The following COG5 variants were observed in gnomAD, a reference collection of about 807,000 sequenced individuals.
COG5 encodes component of oligomeric golgi complex 5.
COG5 carries 86 observed loss-of-function variants against 110.4 expected under a neutral mutation model. The ratio of observed to expected loss-of-function variants is 0.78; its 90% CI spans 0.65 to 0.93. The LOEUF is 0.93. Ranked by LOEUF, COG5 falls within the 40% of genes least tolerant of loss-of-function variation. COG5 has a pLI of 0.00. For missense variants in COG5, 1,077 were observed against 987.0 expected (o/e 1.09, Z -1.22); for synonymous variants, 360 against 334.6 (o/e 1.08, Z -0.83).
intron 6 of COG5, among the ~76,000 whole-genome samples, chr7:107,415,963 T>TAC (rs549299486): frequency 1.1e-5 from 1 of 93,182 alleles, no homozygotes; most frequent in African/African-American, 3.0e-5. Flanking sequence ...TGTGTGTATA[T>TAC]ACACACACAT....
At chr7:107,259,800 T>C (rs1803184226) in intron 14 of COG5, among the ~76,000 whole-genome samples, 1 of 152,144 alleles carries the variant, frequency 6.6e-6, no homozygotes, top group South Asian at 2.1e-4. Flanking sequence ...AATGAGTAGA[T>C]ATGCTTGCTG....
chr7:107,558,668 C>T (rs1437782531), intron 1 of COG5, among the ~76,000 whole-genome samples: 2 of 151,200 alleles, frequency 1.3e-5, no homozygotes, highest in Non-Finnish European at 2.9e-5. Flanking sequence ...AGGTGGATCA[C>T]GAGGTCAGGA....
chr7:107,313,308 G>C lies in COG5; in HGVS notation c.1108+11132C>G, dbSNP rs972264832. 5.3e-4 allele frequency among the ~76,000 whole-genome samples: 81 copies of C among 152,302 alleles called. 1 individual carries two copies. Among genetic ancestry groups the C allele is most frequent in the Middle Eastern group, 3.4e-3 (1 of 294 alleles). ...CCTGCCCCACACCAACCCAATCCTAGAGTGAACTGAAATAATCAGCCTCTA... is the reference window on the plus strand; with the variant it reads ...CCTGCCCCACACCAACCCAATCCTACAGTGAACTGAAATAATCAGCCTCTA... On this transcript the variant is annotated intron_variant, in intron 11 of 21. Transcript: ENST00000297135.
chr7:107,242,232 C>A (rs1163701735), intron 17 of COG5, among the ~76,000 whole-genome samples: 1 of 152,170 alleles, frequency 6.6e-6, no homozygotes. Flanking sequence ...AAGGAAACAA[C>A]CTGACCGACA....
At position 107,240,944 on chromosome 7, in the gene COG5, G is replaced by A. The variant is rs111253932; in HGVS notation, c.1854-4257C>T. 6.6e-5 allele frequency among the ~76,000 whole-genome samples: 10 copies of A among 152,290 alleles called. 3 individuals are homozygous for A. The highest frequency in any genetic ancestry group is 2.4e-4 in the African/African-American group (10 of 41,562). On this transcript the variant is annotated intron_variant, in intron 17 of 21. Transcript: ENST00000297135. ...AAATGACTGTTGTATACACTGAGCT[G>A]AAATGGAGTCACCAAAGCAACTGGG... is the stretch of plus-strand genomic sequence containing the variant.
intron 5 of COG5, among the ~76,000 whole-genome samples, chr7:107,535,979 C>G (rs529239938): frequency 1.3e-5 from 2 of 152,260 alleles, no homozygotes; most frequent in African/African-American, 4.8e-5. Context: ...GGCTTAATCC[C>G]TGGGATGCAA....
Position 107,243,080 on chromosome 7 carries a change from C to T in COG5, c.1853+5316G>A, listed in dbSNP as rs947382448. Among the ~76,000 whole-genome samples the T allele has an allele frequency of 6.6e-5, 10 of 152,132 alleles. No homozygotes were observed. In the East Asian group the frequency reaches 1.9e-3, roughly 29 times the overall value. ...AATTTCAGACAAAACAAATTTCAAACCAGCAAACATCAAAAAAGACAAATA... is the reference window on the plus strand; with the variant it reads ...AATTTCAGACAAAACAAATTTCAAATCAGCAAACATCAAAAAAGACAAATA... On this transcript the variant is annotated intron_variant, in intron 17 of 21. Transcript: ENST00000297135.
At chr7:107,337,579 T>G (rs12536491) in intron 10 of COG5, among the ~76,000 whole-genome samples, 23,776 of 151,812 alleles carry the variant, frequency 0.16, 2,320 homozygotes, top group Non-Finnish European at 0.22. Context: ...ATGGCATATA[T>G]GGGAGCTTAA....
chr7:107,441,212 C>T (rs1460279958), intron 6 of COG5, among the ~76,000 whole-genome samples: 22 of 145,022 alleles, frequency 1.5e-4, no homozygotes, highest in African/African-American at 4.9e-4. Context: ...GCCGAGATCG[C>T]GCCACTGCAC....
intron 5 of COG5, among the ~76,000 whole-genome samples, chr7:107,534,809 C>G (rs1017283113): frequency 1.3e-5 from 2 of 151,476 alleles, no homozygotes; most frequent in Non-Finnish European, 2.9e-5. Flanking sequence ...CAGCTCTGGA[C>G]CAAGCAGACC....
At chr7:107,375,597 A>C (rs1814569919) in intron 7 of COG5, among the ~76,000 whole-genome samples, 1 of 152,030 alleles carries the variant, frequency 6.6e-6, no homozygotes, top group African/African-American at 2.4e-5. Flanking sequence ...ATGACTAAAA[A>C]ACTGAATACT....
intron 7 of COG5, among the ~76,000 whole-genome samples, chr7:107,400,610 G>A (rs1791353861): frequency 6.6e-6 from 1 of 152,078 alleles, no homozygotes; most frequent in African/African-American, 2.4e-5. Context: ...GTCCGTTATT[G>A]AAAAATTATT....
At chr7:107,343,549 C>T (rs1811345920) in intron 10 of COG5, among the ~76,000 whole-genome samples, 1 of 151,940 alleles carries the variant, frequency 6.6e-6, no homozygotes, top group Non-Finnish European at 1.5e-5. Flanking sequence ...GGTGTGGTGG[C>T]TCATGCCTGC....
At chr7:107,455,323 A>C (rs1209884263) in intron 6 of COG5, among the ~76,000 whole-genome samples, 2 of 152,220 alleles carry the variant, frequency 1.3e-5, no homozygotes, top group African/African-American at 4.8e-5. Context: ...CCTCAACACA[A>C]GAATGAAAGA....
chr7:107,334,035 T>C (rs1479614361), intron 10 of COG5, among the ~76,000 whole-genome samples: 2 of 152,150 alleles, frequency 1.3e-5, no homozygotes, highest in Non-Finnish European at 2.9e-5. Context: ...ACTAGTATTT[T>C]GAAAATTCCT....
At chr7:107,487,513 T>C (rs562918113) in intron 6 of COG5, among the ~76,000 whole-genome samples, 3 of 152,118 alleles carry the variant, frequency 2.0e-5, no homozygotes, top group Non-Finnish European at 2.9e-5. Flanking sequence ...CAAATAATTT[T>C]TAAATGCTTA....
chr7:107,514,610 G>C (rs1799787782), intron 6 of COG5, among the ~76,000 whole-genome samples: 1 of 152,150 alleles, frequency 6.6e-6, no homozygotes, highest in South Asian at 2.1e-4. Flanking sequence ...TGGTTTACCA[G>C]CTCAGGCTTT....
chr7:107,459,915 A>G lies in COG5; in HGVS notation c.539-47283T>C, dbSNP rs564450629. ...CATTTATAGAACACTACTCCTAACA[A>G]TGAGAGAAAGCACATTATTTTCAAG... On this transcript the variant is annotated intron_variant, in intron 6 of 21. Coordinates refer to ENST00000297135, the MANE Select transcript of COG5 (RefSeq NM_006348.5). 3.3e-5 allele frequency among the ~76,000 whole-genome samples: 5 copies of G among 152,340 alleles called. No individual in the cohort carries two copies. In the East Asian group the frequency reaches 5.8e-4, roughly 18 times the overall value.
At position 107,529,024 on chromosome 7, in the gene COG5, T is replaced by TAAAA. The variant is rs58281094; in HGVS notation, c.418-1671_418-1668dup. ...GAGAAACTAATCTGAAATACTTAAA[T>TAAAA]AAAAAAAAAAAAAAAGGAATGCCAA... is the stretch of plus-strand genomic sequence containing the variant. On this transcript the variant is annotated intron_variant, in intron 5 of 21. Transcript: ENST00000297135. Among the ~76,000 whole-genome samples the TAAAA allele has an allele frequency of 3.8e-4, 37 of 97,846 alleles. 1 individual carries two copies. Among genetic ancestry groups the TAAAA allele is most frequent in the African/African-American group, 1.2e-3 (24 of 20,076 alleles). The allele number at this position is 97,846 out of a possible 152,430, so 64.2% of individuals were successfully genotyped here.
Sources: gnomAD v4.1 joint callset for allele counts (sites outside exome capture counted in the v4.1 genomes callset) on GRCh38, gnomAD v4.1.1 for gene constraint, MANE v1.5 for transcripts, NCBI Gene and HGNC (gene_info 2026-07-23, HGNC 2026-07-21) for gene names.